Variants in FRMD7 observed in about 807,000 individuals in gnomAD.
FRMD7 encodes the protein FERM domain-containing protein 7.
Under a neutral mutation model 44.1 loss-of-function variants are expected in FRMD7, and 14 were observed. The observed-to-expected ratio is 0.32, with a 90% CI of 0.21 to 0.50. The LOEUF (loss-of-function observed/expected upper bound fraction) is 0.50, where lower values mean the gene tolerates loss of function less well. FRMD7 is among the 20% of genes least tolerant of loss of function. The probability of loss-of-function intolerance (pLI) is 0.99; values close to 1 mark genes in which losing one functional copy is unlikely to be tolerated. For missense variants in FRMD7, 501 were observed against 522.3 expected (o/e 0.96, Z 0.40); for synonymous variants, 212 against 187.4 (o/e 1.13, Z -1.07).
chrX:132,123,550 C>T (rs950393880), intron 1 of FRMD7, among the ~76,000 whole-genome samples: 17 of 112,309 alleles, frequency 1.5e-4, no homozygotes, highest in Non-Finnish European at 3.2e-4. Flanking sequence ...TTCATCATCG[C>T]AAATTTAAAA....
intron 5 of FRMD7, among the ~76,000 whole-genome samples, chrX:132,089,017 G>T (rs922367453): frequency 3.6e-5 from 4 of 111,997 alleles, no homozygotes; most frequent in African/African-American, 1.3e-4. Context: ...ACATGGAAAT[G>T]CACAGATCTC....
intron 2 of FRMD7, 24 bp from the exon 3 acceptor site, chrX:132,099,534 T>C (rs747585157): frequency 9.4e-6 from 11 of 1,165,704 alleles, no homozygotes; most frequent in East Asian, 3.0e-5. Context: ...AAGGAAAAAA[T>C]TGGTAGAGCA....
At chrX:132,091,885 G>T (rs1928186243) in intron 5 of FRMD7, among the ~76,000 whole-genome samples, 1 of 111,433 alleles carries the variant, frequency 9.0e-6, no homozygotes, top group Admixed American at 9.6e-5. Context: ...AAGAAGAAAA[G>T]AATAAAATTT....
chrX:132,091,167 C>T (rs1244670218), intron 5 of FRMD7, among the ~76,000 whole-genome samples: 3 of 111,486 alleles, frequency 2.7e-5, no homozygotes, highest in South Asian at 3.7e-4. Context: ...CTTTCATATG[C>T]TTTTTTAAAA....
Position 132,078,801 on chromosome X carries a change from G to A in FRMD7, c.1216C>T (p.His406Tyr), listed in dbSNP as rs149411634. Residue 406 changes from histidine to tyrosine, a missense_variant, in exon 12 of 12, where the codon CAT becomes TAT. Physicochemically the swap from His to Tyr is moderately conservative, Grantham distance 83 (BLOSUM62 2). Coordinates refer to ENST00000298542, the MANE Select transcript of FRMD7 (RefSeq NM_194277.3). ...SKPEADPTLL[H>Y]QSQSSSSFPF... Reference sequence around the variant, plus strand: ...AAAGAGGAACTGCTTTGGGACTGATGTAGCAATGTGGGATCCGCCTCTGGT... The same window carrying A: ...AAAGAGGAACTGCTTTGGGACTGATATAGCAATGTGGGATCCGCCTCTGGT... 7 of 1,209,390 alleles carry A rather than the reference G, an allele frequency of 5.8e-6. No individual in the cohort carries two copies. The African/African-American group carries it at 7.0e-5, about 12-fold the overall frequency.
At chrX:132,112,311 T>C (rs1928797213) in intron 1 of FRMD7, among the ~76,000 whole-genome samples, 1 of 111,335 alleles carries the variant, frequency 9.0e-6, no homozygotes, top group Non-Finnish European at 1.9e-5. Flanking sequence ...CCTTCTAAAA[T>C]GGAGTTCTCT....
intron 1 of FRMD7, among the ~76,000 whole-genome samples, chrX:132,100,962 C>T (rs897633337): frequency 1.3e-4 from 14 of 111,878 alleles, no homozygotes; most frequent in African/African-American, 4.2e-4. Flanking sequence ...GAAATACTTG[C>T]ACTTAACTAT....
chrX:132,127,711 C>T, intron 1 of FRMD7, 77 bp downstream of exon 1: 1 of 788,307 alleles, frequency 1.3e-6, no homozygotes, highest in Non-Finnish European at 2.0e-6. Context: ...CATAACATTG[C>T]TCTCTAATGG....
chrX:132,104,165 T>C (rs1010521974), intron 1 of FRMD7, among the ~76,000 whole-genome samples: 8 of 112,458 alleles, frequency 7.1e-5, no homozygotes, highest in Non-Finnish European at 1.5e-4. Flanking sequence ...CATATGCATA[T>C]GCACTTCAGC....
At chrX:132,100,872 C>T (rs1234168729) in intron 1 of FRMD7, among the ~76,000 whole-genome samples, 156 bp from the exon 2 acceptor site, 1 of 111,854 alleles carries the variant, frequency 8.9e-6, no homozygotes, top group African/African-American at 3.3e-5. Context: ...TTGACCTTTA[C>T]AGATAGATCC....
intron 4 of FRMD7, 133 bp from the exon 5 acceptor site, chrX:132,094,272 G>A: frequency 2.0e-6 from 1 of 499,764 alleles, no homozygotes; most frequent in Admixed American, 2.7e-5. Context: ...TTTGGGGGTG[G>A]TGAGTAATGC....
chrX:132,124,974 A>T (rs945668310), intron 1 of FRMD7, among the ~76,000 whole-genome samples: 1 of 112,156 alleles, frequency 8.9e-6, no homozygotes, highest in African/African-American at 3.2e-5. Flanking sequence ...CTCTGTGGAC[A>T]CAGATGCATT....
rs1203830939 is a variant in FRMD7, at chrX:132,110,503, G to A, written c.58-9787C>T. On this transcript the variant is annotated intron_variant, in intron 1 of 11. Coordinates refer to ENST00000298542, the MANE Select transcript of FRMD7 (RefSeq NM_194277.3). ...CCCTTTTGCCTTCTGCTGGGATAAGGGTTTGCGTCCATCATCGCTGAGTTT... is the reference window on the plus strand; with the variant it reads ...CCCTTTTGCCTTCTGCTGGGATAAGAGTTTGCGTCCATCATCGCTGAGTTT... Among the ~76,000 whole-genome samples the A allele has an allele frequency of 3.6e-5, 4 of 111,394 alleles. No homozygotes were observed. The East Asian group carries it at 1.1e-3, about 31-fold the overall frequency.
At chrX:132,097,848 T>C (rs1442743874) in intron 3 of FRMD7, among the ~76,000 whole-genome samples, 1 of 112,639 alleles carries the variant, frequency 8.9e-6, no homozygotes, top group Non-Finnish European at 1.9e-5. Context: ...CCTGCTTGCA[T>C]TTGAAAATTA....
chrX:132,112,072 C>T (rs1928790908), intron 1 of FRMD7, among the ~76,000 whole-genome samples: 1 of 112,023 alleles, frequency 8.9e-6, no homozygotes. Flanking sequence ...TCATATTTTA[C>T]ACCTATACCA....
intron 1 of FRMD7, among the ~76,000 whole-genome samples, chrX:132,116,841 A>G (rs1205213955): frequency 8.9e-6 from 1 of 112,101 alleles, no homozygotes; most frequent in Non-Finnish European, 1.9e-5. Flanking sequence ...AAATCTAAAA[A>G]TACAATAAAA....
intron 6 of FRMD7, 80 bp downstream of exon 6, chrX:132,085,840 T>G (rs1927969071): frequency 9.7e-7 from 1 of 1,031,878 alleles, no homozygotes; most frequent in African/African-American, 1.8e-5. Flanking sequence ...TTCTCAGGTT[T>G]AAGGGCTTGC....
intron 1 of FRMD7, among the ~76,000 whole-genome samples, chrX:132,121,432 G>A (rs181662876): frequency 1.4e-3 from 155 of 111,603 alleles, no homozygotes; most frequent in African/African-American, 4.7e-3. Context: ...AGCAGGACAT[G>A]TGTTCACCAT....
intron 4 of FRMD7, among the ~76,000 whole-genome samples, chrX:132,095,617 T>C (rs928565031): frequency 1.8e-5 from 2 of 112,351 alleles, no homozygotes; most frequent in African/African-American, 6.5e-5. Flanking sequence ...CATTCATCAT[T>C]ATAATCTTTC....
Sources: allele counts gnomAD v4.1 joint callset (sites outside exome capture counted in the v4.1 genomes callset), GRCh38; gene constraint gnomAD v4.1.1; transcripts MANE v1.5; gene names NCBI Gene and HGNC (gene_info 2026-07-23, HGNC 2026-07-21).